The following SCN8A variants were observed in gnomAD, a reference collection of about 807,000 sequenced individuals.
SCN8A encodes the protein sodium voltage-gated channel alpha subunit 8.
In SCN8A, 30 loss-of-function variants were observed where a neutral mutation model predicts 184.1. The observed-to-expected ratio is 0.16, with a 90% CI of 0.12 to 0.22. The LOEUF (loss-of-function observed/expected upper bound fraction) is 0.22, where lower values mean the gene tolerates loss of function less well. Ranked by LOEUF, SCN8A falls within the 10% of genes least tolerant of loss-of-function variation. The pLI is 1.00. For synonymous variants in SCN8A, 852 were observed against 907.0 expected, an observed-to-expected ratio of 0.94 and a Z score of 1.09; for missense variants, 1,057 against 2,498.9, an observed-to-expected ratio of 0.42 and a Z score of 12.30.
At chr12:51,618,811 C>T (rs562997031) in intron 1 of SCN8A, among the ~76,000 whole-genome samples, 14 of 152,090 alleles carry the variant, frequency 9.2e-5, no homozygotes, top group Non-Finnish European at 1.8e-4. Flanking sequence ...TGACAGGCCT[C>T]GAGGTCCTGG....
intron 9 of SCN8A, among the ~76,000 whole-genome samples, chr12:51,703,417 T>C (rs1941726015): frequency 1.3e-5 from 2 of 152,224 alleles, no homozygotes; most frequent in Admixed American, 1.3e-4. Context: ...GTGCTGGAAT[T>C]ACAGGCGTGA....
chr12:51,648,224 A>G (rs1166776499), intron 1 of SCN8A, among the ~76,000 whole-genome samples: 1 of 152,182 alleles, frequency 6.6e-6, no homozygotes, highest in Non-Finnish European at 1.5e-5. Flanking sequence ...GAGTCTCACT[A>G]TGTTGCCCAA....
At chr12:51,606,157 C>T (rs893904419) in intron 1 of SCN8A, among the ~76,000 whole-genome samples, 1 of 152,126 alleles carries the variant, frequency 6.6e-6, no homozygotes, top group Non-Finnish European at 1.5e-5. Flanking sequence ...GCCATGAAAT[C>T]CTTGCCTAAG....
At chr12:51,743,957 T>C (rs1942468110) in intron 12 of SCN8A, among the ~76,000 whole-genome samples, 1 of 152,182 alleles carries the variant, frequency 6.6e-6, no homozygotes, top group African/African-American at 2.4e-5. Flanking sequence ...GTATGTGTTG[T>C]TCGCCACTGT....
intron 1 of SCN8A, among the ~76,000 whole-genome samples, chr12:51,652,450 A>G (rs1010908437): frequency 4.6e-5 from 7 of 152,060 alleles, no homozygotes; most frequent in Admixed American, 1.3e-4. Flanking sequence ...CTTTGATCAA[A>G]TCATTTTCTA....
rs548245878 is a variant in SCN8A at position 51,737,167 on chromosome 12, A to T, written c.1999-8736A>T. 2.0e-5 allele frequency among the ~76,000 whole-genome samples: 3 copies of T among 152,346 alleles called. 1 individual carries two copies. Among genetic ancestry groups the T allele is most frequent in the Admixed American group, 2.0e-4 (3 of 15,296 alleles). ...GAGGGACAATAATTTTTCCAGGATCATATCCATGTAATTTAACAATCCGAG... is the reference window on the plus strand; with the variant it reads ...GAGGGACAATAATTTTTCCAGGATCTTATCCATGTAATTTAACAATCCGAG... On this transcript the variant is annotated intron_variant, in intron 12 of 26. Coordinates refer to ENST00000627620, the MANE Select transcript of SCN8A (RefSeq NM_001330260.2).
chr12:51,632,144 T>C (rs1012035850), intron 1 of SCN8A, among the ~76,000 whole-genome samples: 1 of 152,190 alleles, frequency 6.6e-6, no homozygotes, highest in Non-Finnish European at 1.5e-5. Flanking sequence ...TACCATAGCC[T>C]CCACTGATAA....
chr12:51,649,703 T>G (rs1448796575), intron 1 of SCN8A, among the ~76,000 whole-genome samples: 1 of 152,172 alleles, frequency 6.6e-6, no homozygotes, highest in Non-Finnish European at 1.5e-5. Context: ...ATGGGGACCC[T>G]GGGCCCAGCT....
rs1345149338 is a variant in SCN8A at position 51,787,802 on chromosome 12, G to A, written c.4228-893G>A. Among the ~76,000 whole-genome samples, 5 of 152,300 alleles carry A rather than the reference G, an allele frequency of 3.3e-5. No individual in the cohort carries two copies. The South Asian group carries it at 8.3e-4, about 25-fold the overall frequency. ...CACTCACTGTCAACTCATAGTAGAA[G>A]GCAAAGTTCATGGAATGAACTGTAG... is the stretch of plus-strand genomic sequence containing the variant. On this transcript the variant is annotated intron_variant, in intron 22 of 26. Coordinates refer to ENST00000627620, the MANE Select transcript of SCN8A (RefSeq NM_001330260.2).
chr12:51,636,758 G>A (rs1247413224), intron 1 of SCN8A, among the ~76,000 whole-genome samples: 2 of 152,220 alleles, frequency 1.3e-5, no homozygotes, highest in Non-Finnish European at 2.9e-5. Flanking sequence ...TCAGGGCAAA[G>A]CATGATGCAA....
chr12:51,726,949 A>G (rs1045240043), intron 12 of SCN8A, among the ~76,000 whole-genome samples: 2 of 152,248 alleles, frequency 1.3e-5, no homozygotes, highest in African/African-American at 4.8e-5. Context: ...CTCTAAGGAT[A>G]CTTATAAAAT....
chr12:51,618,005 G>A lies in SCN8A; in HGVS notation c.-55+26646G>A, dbSNP rs577328945. Among the ~76,000 whole-genome samples, 3 of 152,204 alleles carry A rather than the reference G, an allele frequency of 2.0e-5. No homozygotes were observed. The East Asian group carries it at 5.8e-4, about 29-fold the overall frequency. ...CCCGGAATTCATATACAGCCTTATT[G>A]AGCTCCTTTCTCTTGTTGTTTCCCA... On this transcript the variant is annotated intron_variant, in intron 1 of 26. Transcript: ENST00000627620.
intron 12 of SCN8A, among the ~76,000 whole-genome samples, chr12:51,736,516 G>A (rs918124496): frequency 6.6e-6 from 1 of 152,210 alleles, no homozygotes; most frequent in African/African-American, 2.4e-5. Flanking sequence ...TTCATTCCAG[G>A]TAATGCTATA....
chr12:51,653,282 A>C (rs1208082524), intron 1 of SCN8A, among the ~76,000 whole-genome samples: 1 of 152,162 alleles, frequency 6.6e-6, no homozygotes, highest in African/African-American at 2.4e-5. Flanking sequence ...ATCATTTATA[A>C]ACTTTTTCAT....
Position 51,751,662 on chromosome 12 carries a change from G to A in SCN8A, c.2370+69G>A. On this transcript the variant is annotated intron_variant, in intron 14 of 26. Coordinates refer to ENST00000627620, the MANE Select transcript of SCN8A (RefSeq NM_001330260.2). ...TTTGCCTGTAGGATATCTTTTTCTG[G>A]TACTGAAAGCTGGAGTTTCTTTGAA... 3 of 1,182,424 alleles carry A rather than the reference G, an allele frequency of 2.5e-6. No individual in the cohort carries two copies. In the South Asian group the frequency reaches 4.2e-5, roughly 17 times the overall value. The allele number at this position is 1,182,424 out of a possible 1,614,324, so 73.2% of individuals were successfully genotyped here. A position where few individuals can be genotyped will look rare whatever the true frequency, so the allele number is the denominator to read the frequency against.
At chr12:51,792,823 A>C (rs531898073) in intron 25 of SCN8A, among the ~76,000 whole-genome samples, 1 of 152,120 alleles carries the variant, frequency 6.6e-6, no homozygotes, top group Admixed American at 6.5e-5. Flanking sequence ...GCCCACTGCA[A>C]CCTCTGCCTC....
At chr12:51,611,468 A>G (rs1939719608) in intron 1 of SCN8A, among the ~76,000 whole-genome samples, 1 of 151,922 alleles carries the variant, frequency 6.6e-6, no homozygotes, top group Admixed American at 6.6e-5. Flanking sequence ...AGCTATACCT[A>G]AGTATTTCTT....
intron 2 of SCN8A, among the ~76,000 whole-genome samples, chr12:51,666,398 C>T (rs751062944): frequency 8.4e-4 from 128 of 152,274 alleles, no homozygotes; most frequent in Non-Finnish European, 1.4e-3. Context: ...GCCAGAATAG[C>T]GTATCTTAAC....
rs770135840 is a variant in SCN8A, at chr12:51,786,773, G to A, written c.4174G>A (p.Val1392Met). The change falls in exon 22 of 27, where the codon GTG (valine) becomes ATG (methionine). Residue 1392 changes from valine (V) to methionine (M), a missense_variant. Val to Met is a conservative substitution (Grantham distance 21). This residue lies in a region of SCN8A where 37 missense variants were observed against 216.1 expected (regional missense o/e 0.17). Coordinates refer to ENST00000627620, the MANE Select transcript of SCN8A (RefSeq NM_001330260.2). ...CAATACAGAGATCAGATGGAAGAAC[G>A]TGAAGATCAACTTTGACAATGTTGG... ...GNNTEIRWKNVKINFDNVGAG... is the reference protein window; with the variant it reads ...GNNTEIRWKNMKINFDNVGAG... 5.6e-6 allele frequency: 9 copies of A among 1,613,928 alleles called. No individual in the cohort carries two copies. Among genetic ancestry groups the A allele is most frequent in the African/African-American group, 1.3e-5 (1 of 75,050 alleles).
Sources: gnomAD v4.1 joint callset for allele counts (sites outside exome capture counted in the v4.1 genomes callset) on GRCh38, gnomAD v4.1.1 for gene constraint, gnomAD v4.1.1 regional missense constraint, MANE v1.5 for transcripts, NCBI Gene and HGNC (gene_info 2026-07-23, HGNC 2026-07-21) for gene names.